The following YES1 variants were observed in gnomAD, a reference collection of about 807,000 sequenced individuals.
YES1 encodes tyrosine-protein kinase Yes.
A neutral mutation model predicts 70.4 loss-of-function variants in YES1; 39 were observed. The observed-to-expected ratio is 0.55, with a 90% CI of 0.43 to 0.72. YES1 has a LOEUF of 0.72. Among genes scored for constraint, YES1 ranks in the 30% least tolerant of loss-of-function variants. YES1 has a pLI of 0.00. For missense variants in YES1, 495 were observed against 644.8 expected, an observed-to-expected ratio of 0.77 and a Z score of 2.52; for synonymous variants, 198 against 218.6, an observed-to-expected ratio of 0.91 and a Z score of 0.83.
intron 5 of YES1, 22 bp from the exon 6 acceptor site, chr18:745,879 T>C (rs1219539799): frequency 2.5e-6 from 4 of 1,607,984 alleles, no homozygotes; most frequent in African/African-American, 2.7e-5. Flanking sequence ...ATAAATACTT[T>C]CACTATATCT....
In YES1 at chr18:736,874, C is replaced by T. The variant is rs765080545; in HGVS notation, c.1225G>A (p.Val409Met). 2 of 1,612,772 alleles carry T rather than the reference C, an allele frequency of 1.2e-6. No individual in the cohort carries two copies. The highest frequency in any genetic ancestry group is 2.2e-5 in the East Asian group (1 of 44,832). The part of the protein sequence containing the change: ...AANILVGENL[V>M]CKIADFGLAR... ...AAACCAAAGTCTGCTATTTTGCACA[C>T]AAGATTTTCTCCTACAAGAATATTA... The change falls in exon 10 of 12, where the codon GTG (valine) becomes ATG (methionine). Residue 409 changes from valine to methionine, a missense_variant. Around this residue, in one of 2 missense-constraint regions of YES1, gnomAD observed 385 missense variants for 540.9 expected, o/e 0.71. Coordinates refer to ENST00000314574, the MANE Select transcript of YES1 (RefSeq NM_005433.4).
chr18:762,277 G>A (rs969862193), intron 1 of YES1, among the ~76,000 whole-genome samples: 3 of 152,270 alleles, frequency 2.0e-5, no homozygotes, highest in Non-Finnish European at 2.9e-5. Flanking sequence ...CCGAGATTGC[G>A]TCATTGCACT....
chr18:758,952 A>G (rs1904433601), intron 1 of YES1, among the ~76,000 whole-genome samples: 1 of 152,244 alleles, frequency 6.6e-6, no homozygotes, highest in South Asian at 2.1e-4. Flanking sequence ...TCTTATTTGT[A>G]TAGTTTTTCC....
intron 9 of YES1, 161 bp from the exon 10 acceptor site, chr18:737,122 A>G (rs961177693): frequency 1.6e-6 from 1 of 616,926 alleles, no homozygotes; most frequent in Non-Finnish European, 2.6e-6. Context: ...GAAAACCAGA[A>G]AACATAATAA....
chr18:726,678 G>A (rs1052889843), intron 11 of YES1, among the ~76,000 whole-genome samples: 10 of 148,310 alleles, frequency 6.7e-5, no homozygotes, highest in African/African-American at 2.5e-4. Context: ...CTACTCGGGA[G>A]GCTGAGGCAG....
At chr18:808,351 C>A (rs1369271028) in intron 1 of YES1, among the ~76,000 whole-genome samples, 1 of 152,174 alleles carries the variant, frequency 6.6e-6, no homozygotes, top group East Asian at 1.9e-4. Context: ...CACCCAGCAG[C>A]TGCAGCTGAG....
At chr18:810,822 G>C (rs539203448) in intron 1 of YES1, among the ~76,000 whole-genome samples, 2 of 152,128 alleles carry the variant, frequency 1.3e-5, no homozygotes, top group South Asian at 2.1e-4. Flanking sequence ...ATTTGCTAAA[G>C]TAAAACTTTC....
rs946621614 is a variant in YES1 at position 745,583 on chromosome 18, C to T, written c.724+125G>A. 3 of 915,624 alleles carry T rather than the reference C, an allele frequency of 3.3e-6. No homozygotes were observed. The East Asian group carries it at 7.3e-5, about 22-fold the overall frequency. The allele number at this position is 915,624 out of a possible 1,614,324, so 56.7% of individuals were successfully genotyped here. A position where few individuals can be genotyped will look rare whatever the true frequency, so the allele number is the denominator to read the frequency against. On this transcript the variant is annotated intron_variant, in intron 6 of 11. Coordinates refer to ENST00000314574, the MANE Select transcript of YES1 (RefSeq NM_005433.4). ...GTTCCTCCCTTTAGAATACAACAGACATTTATTGGGCATGTATTATGTGTA... is the reference window on the plus strand; with the variant it reads ...GTTCCTCCCTTTAGAATACAACAGATATTTATTGGGCATGTATTATGTGTA...
intron 1 of YES1, among the ~76,000 whole-genome samples, chr18:797,159 G>T (rs1248680853): frequency 6.6e-6 from 1 of 152,084 alleles, no homozygotes; most frequent in Non-Finnish European, 1.5e-5. Flanking sequence ...CTAAAAACCT[G>T]TAAGAAAAAG....
intron 10 of YES1, among the ~76,000 whole-genome samples, chr18:734,192 T>C (rs1323977065): frequency 4.0e-5 from 6 of 150,886 alleles, no homozygotes; most frequent in Non-Finnish European, 5.9e-5. Flanking sequence ...GGCAGGAGAA[T>C]TGCTTGAACC....
chr18:741,046 A>T (rs1373323603), intron 8 of YES1, among the ~76,000 whole-genome samples: 1 of 151,990 alleles, frequency 6.6e-6, no homozygotes, highest in Non-Finnish European at 1.5e-5. Flanking sequence ...TACAGGCACA[A>T]GCCACCACGC....
intron 11 of YES1, among the ~76,000 whole-genome samples, chr18:727,320 A>C (rs1568181818): frequency 6.6e-6 from 1 of 152,108 alleles, no homozygotes; most frequent in African/African-American, 2.4e-5. Flanking sequence ...TAACTTTTCC[A>C]TCCTTTTAAT....
chr18:804,703 G>T (rs560373857), intron 1 of YES1, among the ~76,000 whole-genome samples: 206 of 144,534 alleles, frequency 1.4e-3, no homozygotes, highest in African/African-American at 5.1e-3. Context: ...ACCTGAGATA[G>T]GGAGTTGGAG....
intron 1 of YES1, among the ~76,000 whole-genome samples, chr18:800,347 C>T (rs1020344011): frequency 6.6e-6 from 1 of 152,194 alleles, no homozygotes; most frequent in East Asian, 1.9e-4. Context: ...AACTAAGATC[C>T]CTACCCTCAC....
At chr18:761,896 T>G (rs948371210) in intron 1 of YES1, among the ~76,000 whole-genome samples, 1 of 152,234 alleles carries the variant, frequency 6.6e-6, no homozygotes, top group Admixed American at 6.5e-5. Flanking sequence ...TTAGAAACGT[T>G]AACATCATGG....
intron 10 of YES1, among the ~76,000 whole-genome samples, chr18:733,782 CAAAAAAAAA>C (rs71174280): frequency 8.4e-5 from 5 of 59,242 alleles, no homozygotes; most frequent in African/African-American, 2.4e-4. Flanking sequence ...GACTCCGTCT[CAAAAAAAAA>C]AAAAAAAAAA....
At chr18:737,908 TGG>T (rs1184235505) in intron 9 of YES1, 1 of 152,160 alleles carries the variant, frequency 6.6e-6, no homozygotes, top group Non-Finnish European at 1.5e-5. Context: ...TTTGTAGAGA[TGG>T]GGTTTCACTA....
chr18:729,771 C>T (rs556240937), intron 11 of YES1, among the ~76,000 whole-genome samples: 76 of 151,934 alleles, frequency 5.0e-4, no homozygotes, highest in African/African-American at 1.5e-3. Flanking sequence ...GGATTACAGG[C>T]GCCCGCCACC....
chr18:739,907 C>G, intron 8 of YES1, 96 bp from the exon 9 acceptor site: 1 of 882,778 alleles, frequency 1.1e-6, no homozygotes, highest in South Asian at 2.2e-5. Flanking sequence ...CACAAAACTT[C>G]TTAGCTTTTC....
Sources: allele counts gnomAD v4.1 joint callset (sites outside exome capture counted in the v4.1 genomes callset), GRCh38; gene constraint gnomAD v4.1.1; regional missense constraint gnomAD v4.1.1; transcripts MANE v1.5; gene names NCBI Gene and HGNC (gene_info 2026-07-23, HGNC 2026-07-21).